USP9X: variants seen among roughly 807,000 people sequenced by gnomAD.
USP9X encodes the protein ubiquitin specific peptidase 9 X-linked, also known as ubiquitin carboxyl-terminal hydrolase 9X.
A neutral mutation model predicts 190.3 loss-of-function variants in USP9X; 7 were observed. The ratio of observed to expected loss-of-function variants is 0.04; its 90% CI spans 0.02 to 0.07. The LOEUF (loss-of-function observed/expected upper bound fraction) is 0.07, where lower values mean the gene tolerates loss of function less well. Among genes scored for constraint, USP9X ranks in the 10% least tolerant of loss-of-function variants. The probability of loss-of-function intolerance (pLI) is 1.00; values close to 1 mark genes in which losing one functional copy is unlikely to be tolerated. For missense variants in USP9X, 1,010 were observed against 1,916.9 expected, an observed-to-expected ratio of 0.53 and a Z score of 8.83; for synonymous variants, 645 against 659.5, an observed-to-expected ratio of 0.98 and a Z score of 0.34.
At chrX:41,178,071 C>A (rs1306801202) in intron 21 of USP9X, among the ~76,000 whole-genome samples, 1 of 100,061 alleles carries the variant, frequency 1.0e-5, no homozygotes, top group Admixed American at 1.1e-4. Flanking sequence ...AAATCAAAAT[C>A]CGAGGTTTAA....
intron 1 of USP9X, among the ~76,000 whole-genome samples, chrX:41,114,029 C>T (rs189390196): frequency 8.9e-6 from 1 of 112,629 alleles, no homozygotes; most frequent in Non-Finnish European, 1.9e-5. Flanking sequence ...TCATAGCCAT[C>T]TCCTTTTGCT....
chrX:41,226,294 T>TG (rs1313805190), intron 41 of USP9X, among the ~76,000 whole-genome samples: 30 of 112,038 alleles, frequency 2.7e-4, no homozygotes, highest in African/African-American at 8.4e-4. Context: ...TATTTGTTTT[T>TG]GGGGGTTTTT....
chrX:41,210,783 C>T, intron 33 of USP9X, 101 bp downstream of exon 33: 1 of 795,086 alleles, frequency 1.3e-6, no homozygotes, highest in Non-Finnish European at 1.8e-6. Flanking sequence ...GAGTATATCA[C>T]TGATTACTAA....
intron 20 of USP9X, among the ~76,000 whole-genome samples, chrX:41,170,832 A>G (rs2062719166): frequency 8.9e-6 from 1 of 111,969 alleles, no homozygotes; most frequent in African/African-American, 3.3e-5. Context: ...TAGGTATAGT[A>G]TTGTTACTTT....
intron 1 of USP9X, among the ~76,000 whole-genome samples, chrX:41,102,967 A>AT (rs1411074196): frequency 2.8e-5 from 3 of 109,073 alleles, no homozygotes; most frequent in Non-Finnish European, 5.7e-5. Flanking sequence ...TAATTGTTGT[A>AT]TTTTTTAGTA....
At chrX:41,149,099 G>A (rs900531821) in intron 12 of USP9X, among the ~76,000 whole-genome samples, 2 of 111,924 alleles carry the variant, frequency 1.8e-5, no homozygotes, top group African/African-American at 6.5e-5. Context: ...TTGTTACACT[G>A]ATGAACTGGT....
chrX:41,198,331 T>C (rs1940562592), intron 29 of USP9X, among the ~76,000 whole-genome samples, 197 bp from the exon 30 acceptor site: 1 of 112,427 alleles, frequency 8.9e-6, no homozygotes, highest in Non-Finnish European at 1.9e-5. Context: ...TTATTTAACC[T>C]GCGAAATTAG....
chrX:41,186,575 C>T lies in USP9X; in HGVS notation c.3617C>T (p.Pro1206Leu). 2 of 1,210,897 alleles carry T rather than the reference C, an allele frequency of 1.7e-6. No homozygotes were observed. Among genetic ancestry groups the T allele is most frequent in the Non-Finnish European group, 2.2e-6 (2 of 894,860 alleles). The change falls in exon 24 of 45, where the codon CCT becomes CTT. Residue 1206 changes from proline to leucine, a missense_variant. This residue lies in a region of USP9X where 351 missense variants were observed against 480.8 expected (regional missense o/e 0.73). Transcript: ENST00000378308. ...CTACAAAGTGCCCTTCAGAGCATTC[C>T]TAATCCATCATCCGAGTGCATGCTT... The part of the protein sequence containing the change: ...VVLQSALQSI[P>L]NPSSECMLRN...
chrX:41,182,712 T>C, intron 21 of USP9X, among the ~76,000 whole-genome samples: 1 of 110,711 alleles, frequency 9.0e-6, no homozygotes, highest in Non-Finnish European at 1.9e-5. Flanking sequence ...TAAAATAATA[T>C]TGTCATTTTA....
At chrX:41,131,714 C>T (rs190029511) in intron 4 of USP9X, among the ~76,000 whole-genome samples, 178 bp downstream of exon 4, 274 of 111,657 alleles carry the variant, frequency 2.5e-3, no homozygotes, top group Middle Eastern at 4.6e-3. Context: ...TCTCTGAGGT[C>T]ACATAAAATT....
chrX:41,208,997 C>T (rs1465065725), intron 32 of USP9X, among the ~76,000 whole-genome samples: 1 of 111,414 alleles, frequency 9.0e-6, no homozygotes, highest in African/African-American at 3.3e-5. Flanking sequence ...CGTGAGCCAC[C>T]GCGCCCGGCC....
At position 41,105,263 on chromosome X, in the gene USP9X, A is replaced by G. The variant is rs894698451; in HGVS notation, c.-158-18208A>G. On this transcript the variant is annotated intron_variant, in intron 1 of 44. Coordinates refer to ENST00000378308, the MANE Select transcript of USP9X (RefSeq NM_001039591.3). ...GGTGATGAGCATCTGGTTCAGACCT[A>G]TAACCCCCAACCCCATGCTGCATTC... Among the ~76,000 whole-genome samples the G allele has an allele frequency of 4.5e-5, 5 of 111,616 alleles. No homozygotes were observed. The South Asian group carries it at 1.5e-3, about 33-fold the overall frequency.
In USP9X at chrX:41,196,584, G is replaced by T. The variant is rs755154477; in HGVS notation, c.4087-8G>T. ...GTGTAAATTGATATTATTCTACTCT[G>T]TTTCCAGAGCACAGCAAGAGAGAGA... On this transcript the variant is annotated splice_polypyrimidine_tract_variant and splice_region_variant and intron_variant, in intron 27 of 44. Coordinates refer to ENST00000378308, the MANE Select transcript of USP9X (RefSeq NM_001039591.3). 4.7e-5 allele frequency: 56 copies of T among 1,203,235 alleles called. No individual in the cohort carries two copies. The highest frequency in any genetic ancestry group is 5.5e-5 in the Non-Finnish European group (49 of 893,491).
At chrX:41,224,282 CATA>C (rs1435951948) in intron 39 of USP9X, among the ~76,000 whole-genome samples, 1 of 110,938 alleles carries the variant, frequency 9.0e-6, no homozygotes, top group East Asian at 2.8e-4. Context: ...CATTATAATG[CATA>C]ATGTTACTTT....
chrX:41,185,774 C>T (rs1023179161), intron 23 of USP9X, among the ~76,000 whole-genome samples: 9 of 110,844 alleles, frequency 8.1e-5, no homozygotes, highest in Non-Finnish European at 1.5e-4. Context: ...AAAACAATTA[C>T]ATGTTTCCAC....
intron 26 of USP9X, among the ~76,000 whole-genome samples, chrX:41,194,627 A>G (rs1437828654): frequency 8.9e-6 from 1 of 111,747 alleles, no homozygotes; most frequent in Non-Finnish European, 1.9e-5. Flanking sequence ...GTAGTTATCC[A>G]TGAAATGCAG....
chrX:41,136,036 C>G (rs2147032657), intron 5 of USP9X, among the ~76,000 whole-genome samples: 1 of 112,616 alleles, frequency 8.9e-6, no homozygotes, highest in Non-Finnish European at 1.9e-5. Flanking sequence ...AAAAATTCCA[C>G]ATTTTCTGAT....
chrX:41,131,620 T>G lies in USP9X; in HGVS notation c.322+84T>G. On this transcript the variant is annotated intron_variant, in intron 4 of 44. Transcript: ENST00000378308. The stretch of plus-strand genomic sequence containing the variant: ...ATCCCAAAAGCGGATGAAGTGGATT[T>G]GTTTTCCTCCATCATAAACACATAC... The G allele has an allele frequency of 1.5e-5, 13 of 890,770 alleles. No individual in the cohort carries two copies. In the South Asian group the frequency reaches 2.2e-4, roughly 15 times the overall value. 73.4% of individuals were successfully genotyped at this position (890,770 alleles called of 1,213,427 possible). A position where few individuals can be genotyped will look rare whatever the true frequency, so the allele number is the denominator to read the frequency against.
chrX:41,194,822 G>A (rs1205418379), intron 26 of USP9X, among the ~76,000 whole-genome samples: 2 of 110,752 alleles, frequency 1.8e-5, no homozygotes, highest in South Asian at 3.8e-4. Flanking sequence ...CCTCTTATAC[G>A]CCAGACACTA....
Sources: allele counts gnomAD v4.1 joint callset (sites outside exome capture counted in the v4.1 genomes callset), GRCh38; gene constraint gnomAD v4.1.1; regional missense constraint gnomAD v4.1.1; transcripts MANE v1.5; gene names NCBI Gene and HGNC (gene_info 2026-07-23, HGNC 2026-07-21).